Variants in ZFYVE28 observed in about 807,000 individuals in gnomAD.
The protein encoded by ZFYVE28 is lateral signaling target protein 2 homolog.
Under a neutral mutation model 82.1 loss-of-function variants are expected in ZFYVE28, and 40 were observed. The observed-to-expected ratio is 0.49, with a 90% CI of 0.38 to 0.63. The LOEUF (loss-of-function observed/expected upper bound fraction) is 0.63. Among genes scored for constraint, ZFYVE28 ranks in the 30% least tolerant of loss-of-function variants. ZFYVE28 has a pLI of 0.00. For synonymous variants in ZFYVE28, 612 were observed against 546.1 expected, an observed-to-expected ratio of 1.12 and a Z score of -1.68; for missense variants, 1,321 against 1,242.1, an observed-to-expected ratio of 1.06 and a Z score of -0.96.
Position 2,288,267 on chromosome 4 carries a change from C to T in ZFYVE28, c.2052-14051G>A, listed in dbSNP as rs535100807. The stretch of plus-strand genomic sequence containing the variant: ...ATCACTGGGTACAGGGCCTCCATCT[C>T]CTAAGCCCCCCTGTGGCCCCAGAGC... On this transcript the variant is annotated intron_variant, in intron 8 of 12. Transcript: ENST00000290974. 6.6e-5 allele frequency among the ~76,000 whole-genome samples: 10 copies of T among 152,332 alleles called. No homozygotes were observed. The East Asian group carries it at 1.7e-3, about 26-fold the overall frequency.
At chr4:2,374,135 T>C (rs1305995489) in intron 1 of ZFYVE28, among the ~76,000 whole-genome samples, 1 of 152,204 alleles carries the variant, frequency 6.6e-6, no homozygotes, top group Non-Finnish European at 1.5e-5. Flanking sequence ...CATGGTCACA[T>C]ACAGCCCACC....
At chr4:2,351,736 C>T (rs762877096) in intron 2 of ZFYVE28, among the ~76,000 whole-genome samples, 5 of 152,158 alleles carry the variant, frequency 3.3e-5, no homozygotes, top group Non-Finnish European at 7.3e-5. Flanking sequence ...TCCCACAAGA[C>T]GGCGCCCCTT....
At chr4:2,279,759 A>G (rs1315230572) in intron 8 of ZFYVE28, among the ~76,000 whole-genome samples, 24 of 151,776 alleles carry the variant, frequency 1.6e-4, no homozygotes, top group Admixed American at 1.0e-3. Flanking sequence ...CCAGCCTGAC[A>G]ACAGAGTGAG....
chr4:2,360,058 T>C (rs553389344), intron 1 of ZFYVE28, among the ~76,000 whole-genome samples: 47 of 151,942 alleles, frequency 3.1e-4, no homozygotes, highest in Non-Finnish European at 5.9e-4. Flanking sequence ...TTTGTGGTTC[T>C]CTGTGATTTG....
At chr4:2,377,061 A>T (rs531889547) in intron 1 of ZFYVE28, among the ~76,000 whole-genome samples, 1 of 149,572 alleles carries the variant, frequency 6.7e-6, no homozygotes, top group Non-Finnish European at 1.5e-5. Flanking sequence ...TCGCTCTGTC[A>T]CCCAGGCTGG....
intron 6 of ZFYVE28, among the ~76,000 whole-genome samples, chr4:2,325,463 CA>C (rs1393883231): frequency 2.0e-5 from 3 of 147,646 alleles, no homozygotes; most frequent in Middle Eastern, 3.4e-3. Flanking sequence ...AAATCATTTA[CA>C]AAAAACGACT....
At chr4:2,365,146 G>A (rs917441713) in intron 1 of ZFYVE28, among the ~76,000 whole-genome samples, 1 of 151,680 alleles carries the variant, frequency 6.6e-6, no homozygotes, top group African/African-American at 2.4e-5. Context: ...CCTGAATGCG[G>A]CGGGGGGACG....
intron 8 of ZFYVE28, among the ~76,000 whole-genome samples, chr4:2,279,660 A>T (rs12512469): frequency 0.47 from 70,549 of 151,460 alleles, 17,439 homozygotes; most frequent in Non-Finnish European, 0.54. Flanking sequence ...GGGCGCCTGT[A>T]GTCCCAGCTA....
intron 1 of ZFYVE28, among the ~76,000 whole-genome samples, chr4:2,382,857 G>A (rs187167255): frequency 8.5e-5 from 13 of 152,068 alleles, no homozygotes; most frequent in Non-Finnish European, 1.0e-4. Context: ...TCAGAATCAC[G>A]GCAGGAGGCA....
intron 1 of ZFYVE28, among the ~76,000 whole-genome samples, chr4:2,399,912 G>C (rs2108934290): frequency 6.6e-6 from 1 of 152,248 alleles, no homozygotes; most frequent in South Asian, 2.1e-4. Flanking sequence ...TGGAGGAACA[G>C]GGCAGGGCGC....
intron 2 of ZFYVE28, among the ~76,000 whole-genome samples, chr4:2,349,577 A>G (rs1177706520): frequency 1.3e-5 from 2 of 152,234 alleles, no homozygotes; most frequent in Non-Finnish European, 2.9e-5. Context: ...CCCTGTTTCA[A>G]TGATATAACT....
chr4:2,417,841 G>A lies in ZFYVE28; in HGVS notation c.39+444C>T, dbSNP rs1220139366. On this transcript the variant is annotated intron_variant, in intron 1 of 12. Transcript: ENST00000290974. This position sits in a 1 kb window ranked among gnomAD's most constrained non-coding sequence, Gnocchi z 4.8. Reference sequence around the variant, plus strand: ...ATCTATTCCGGGCCCAGGACAATGGGGGTGGGGGCAGGACGGGAATGAGGG... The same window carrying A: ...ATCTATTCCGGGCCCAGGACAATGGAGGTGGGGGCAGGACGGGAATGAGGG... 4.0e-5 allele frequency among the ~76,000 whole-genome samples: 6 copies of A among 151,576 alleles called. No individual in the cohort carries two copies. Among genetic ancestry groups the A allele is most frequent in the African/African-American group, 1.5e-4 (6 of 40,988 alleles).
At chr4:2,301,775 T>C (rs1488169335) in intron 8 of ZFYVE28, among the ~76,000 whole-genome samples, 4 of 152,100 alleles carry the variant, frequency 2.6e-5, no homozygotes, top group African/African-American at 4.8e-5. Flanking sequence ...AAACGATCCA[T>C]TGCCAGTGAA....
At chr4:2,384,793 A>T (rs1200483480) in intron 1 of ZFYVE28, among the ~76,000 whole-genome samples, 1 of 152,210 alleles carries the variant, frequency 6.6e-6, no homozygotes, top group Non-Finnish European at 1.5e-5. Context: ...AAAGGCCAGG[A>T]GCCACCTCAC....
In ZFYVE28 at chr4:2,417,989, C is replaced by A. The variant is rs1355387584; in HGVS notation, c.39+296G>T. Among the ~76,000 whole-genome samples the A allele has an allele frequency of 7.9e-5, 12 of 151,546 alleles. No individual in the cohort carries two copies. The highest frequency in any genetic ancestry group is 4.4e-5 in the Non-Finnish European group (3 of 67,864). ...GGACCGGGATGAGGAGGGAGAGGGG[C>A]CCGTTGTGGCCCTGGATAGAGGGGG... is the stretch of plus-strand genomic sequence containing the variant. On this transcript the variant is annotated intron_variant, in intron 1 of 12. Transcript: ENST00000290974. The surrounding 1 kb of genome is among the most constrained non-coding windows in gnomAD (Gnocchi z 4.8).
At position 2,372,553 on chromosome 4, in the gene ZFYVE28, C is replaced by G. The variant is rs762845; in HGVS notation, c.40-18480G>C. 0.67 allele frequency among the ~76,000 whole-genome samples: 101,472 copies of G among 151,778 alleles called. 34,256 individuals carry two copies. The highest frequency in any genetic ancestry group is 0.8 in the East Asian group (4,100 of 5,136). ...ACGGCACCATGCCCTATCACCCCAT[C>G]ATGTGGGAGGGGTACACAGAGGTGC... On this transcript the variant is annotated intron_variant, in intron 1 of 12. Coordinates refer to ENST00000290974, the MANE Select transcript of ZFYVE28 (RefSeq NM_020972.3). This position sits in a 1 kb window ranked among gnomAD's most constrained non-coding sequence, Gnocchi z 5.2.
At chr4:2,271,808 T>C (rs373512155) in intron 10 of ZFYVE28, 29 bp from the exon 11 acceptor site, 130 of 1,604,002 alleles carry the variant, frequency 8.1e-5, no homozygotes, top group Non-Finnish European at 1.1e-4. Context: ...CGTCGGGGTA[T>C]GGTGAGGGAG....
In ZFYVE28 at chr4:2,320,839, G is replaced by A. The variant is rs182521771; in HGVS notation, c.702-568C>T. Among the ~76,000 whole-genome samples the A allele has an allele frequency of 4.6e-5, 7 of 152,152 alleles. No homozygotes were observed. Among genetic ancestry groups the A allele is most frequent in the South Asian group, 2.1e-4 (1 of 4,824 alleles). ...TCCCTTGTGGTGCCCACCATGCCCC[G>A]AGAAGCTCCCCTCCCCAGGACTGGG... On this transcript the variant is annotated intron_variant, in intron 6 of 12. Transcript: ENST00000290974. The surrounding 1 kb of genome is among the most constrained non-coding windows in gnomAD (Gnocchi z 5.1).
chr4:2,283,727 G>A (rs1182930005), intron 8 of ZFYVE28, among the ~76,000 whole-genome samples: 2 of 152,180 alleles, frequency 1.3e-5, no homozygotes, highest in Admixed American at 6.5e-5. Flanking sequence ...TATCACACAC[G>A]GAAAGTGTAA....
Sources: allele counts gnomAD v4.1 joint callset (sites outside exome capture counted in the v4.1 genomes callset), GRCh38; gene constraint gnomAD v4.1.1; non-coding constraint Gnocchi (gnomAD v3.1); transcripts MANE v1.5; gene names NCBI Gene and HGNC (gene_info 2026-07-23, HGNC 2026-07-21).